PHIP: variants seen among roughly 807,000 people sequenced by gnomAD.
The protein encoded by PHIP is PH-interacting protein.
PHIP carries 54 observed loss-of-function variants against 236.8 expected under a neutral mutation model. The observed-to-expected ratio is 0.23, with a 90% CI of 0.18 to 0.29. The LOEUF is 0.29. Ranked by LOEUF, PHIP falls within the 10% of genes least tolerant of loss-of-function variation. PHIP has a pLI of 1.00. For missense variants in PHIP, 1,370 were observed against 2,190.8 expected, an observed-to-expected ratio of 0.63 and a Z score of 7.48; for synonymous variants, 756 against 718.9, an observed-to-expected ratio of 1.05 and a Z score of -0.83.
chr6:79,065,978 T>C lies in PHIP; in HGVS notation c.190-5160A>G, dbSNP rs534273573. 4.3e-3 allele frequency among the ~76,000 whole-genome samples: 654 copies of C among 152,192 alleles called. 2 individuals are homozygous for C. The highest frequency in any genetic ancestry group is 0.014 in the African/African-American group (593 of 41,528). On this transcript the variant is annotated intron_variant, in intron 4 of 39. Transcript: ENST00000275034. The stretch of plus-strand genomic sequence containing the variant: ...TAGTAAGAACCCCATATCTTTAATA[T>C]AAACTTAAGCTTTTAATTTAAATTA...
At position 78,983,159 on chromosome 6, in the gene PHIP, A is replaced by C. The variant is rs1768648211; in HGVS notation, c.2538-42T>G. The C allele has an allele frequency of 5.8e-6, 6 of 1,035,238 alleles. No homozygotes were observed. In the East Asian group the frequency reaches 1.5e-4, roughly 26 times the overall value. The allele number at this position is 1,035,238 out of a possible 1,614,324, so 64.1% of individuals were successfully genotyped here. A position where few individuals can be genotyped will look rare whatever the true frequency, so the allele number is the denominator to read the frequency against. On this transcript the variant is annotated intron_variant, in intron 22 of 39. Coordinates refer to ENST00000275034, the MANE Select transcript of PHIP (RefSeq NM_017934.7). ...GATTATTAGATAACACACAAGATAA[A>C]ATTTTAAGACTTGTTTTATAAAAAC... is the stretch of plus-strand genomic sequence containing the variant.
At chr6:79,050,557 G>A (rs1772742778) in intron 6 of PHIP, among the ~76,000 whole-genome samples, 1 of 152,150 alleles carries the variant, frequency 6.6e-6, no homozygotes, top group African/African-American at 2.4e-5. Flanking sequence ...AGCAGTTAAG[G>A]AGTGAGACTG....
intron 12 of PHIP, 142 bp downstream of exon 12, chr6:79,017,204 C>T (rs756020024): frequency 3.3e-5 from 18 of 544,468 alleles, no homozygotes; most frequent in African/African-American, 7.7e-5. Context: ...CATGTGAAGG[C>T]TATATTCACT....
intron 19 of PHIP, among the ~76,000 whole-genome samples, chr6:78,991,362 T>C (rs540880579): frequency 2.0e-5 from 3 of 151,532 alleles, no homozygotes; most frequent in Admixed American, 6.6e-5. Context: ...CTGTTCCATA[T>C]AGATAGCTGG....
At position 78,938,464 on chromosome 6, in the gene PHIP, T is replaced by C. The variant is rs904651547; in HGVS notation, c.*2229A>G. On this transcript the variant is annotated 3_prime_UTR_variant, in exon 40 of 40. Transcript: ENST00000275034. Reference sequence around the variant, plus strand: ...ATTTTTTTTACAAAAATTGATTTTATAGCCTATTATTTTTTTCTTAACACA... The same window carrying C: ...ATTTTTTTTACAAAAATTGATTTTACAGCCTATTATTTTTTTCTTAACACA... The C allele has an allele frequency of 6.6e-6, 1 of 151,730 alleles. No individual in the cohort carries two copies. 9.4% of individuals were successfully genotyped at this position (151,730 alleles called of 1,614,324 possible).
intron 7 of PHIP, among the ~76,000 whole-genome samples, chr6:79,038,698 C>T (rs1772065323): frequency 6.6e-6 from 1 of 151,920 alleles, no homozygotes; most frequent in African/African-American, 2.4e-5. Flanking sequence ...AGCCTTCTTA[C>T]ATTAGATACA....
chr6:78,984,472 C>T (rs1328153141), intron 22 of PHIP, among the ~76,000 whole-genome samples: 15 of 152,166 alleles, frequency 9.9e-5, no homozygotes, highest in Admixed American at 9.8e-4. Context: ...TAATTACAAA[C>T]TCCAGAGTCC....
intron 8 of PHIP, 26 bp from the exon 9 acceptor site, chr6:79,025,645 AT>A: frequency 1.4e-6 from 2 of 1,422,684 alleles, no homozygotes; most frequent in Non-Finnish European, 2.0e-6. Context: ...CAGAAAAAAA[AT>A]CTTTACAAGA....
intron 24 of PHIP, among the ~76,000 whole-genome samples, chr6:78,974,109 T>A (rs1321392122): frequency 6.6e-6 from 1 of 151,932 alleles, no homozygotes; most frequent in Non-Finnish European, 1.5e-5. Context: ...ATTCCAAAAT[T>A]GACCACATAC....
chr6:78,984,888 A>G (rs1346416529), intron 22 of PHIP, among the ~76,000 whole-genome samples: 2 of 152,192 alleles, frequency 1.3e-5, no homozygotes, highest in East Asian at 3.9e-4. Context: ...GCTCTGCAAC[A>G]ATGTGAATCG....
intron 7 of PHIP, among the ~76,000 whole-genome samples, chr6:79,034,672 T>C (rs555520168): frequency 1.2e-4 from 19 of 152,312 alleles, no homozygotes; most frequent in African/African-American, 4.3e-4. Flanking sequence ...TCTGACTACA[T>C]AAATGAAATA....
chr6:78,983,235 C>CA, intron 22 of PHIP, 118 bp from the exon 23 acceptor site: 1 of 482,314 alleles, frequency 2.1e-6, no homozygotes, highest in East Asian at 3.3e-5. Context: ...ACTTAAACTA[C>CA]AAAAAAACTT....
chr6:79,009,898 T>A (rs1202264213), intron 15 of PHIP, among the ~76,000 whole-genome samples: 12 of 114,604 alleles, frequency 1.0e-4, no homozygotes, highest in Non-Finnish European at 2.4e-4. Context: ...ATCTAAAGAA[T>A]CTTAAAACCT....
chr6:78,985,344 T>A lies in PHIP; in HGVS notation c.2537+8A>T, dbSNP rs370166723. ...TAACATTTGGAAAAATAAAAAGCATTCATTTACCTAGAACTGCCATCACTG... is the reference window on the plus strand; with the variant it reads ...TAACATTTGGAAAAATAAAAAGCATACATTTACCTAGAACTGCCATCACTG... On this transcript the variant is annotated splice_region_variant and intron_variant, in intron 22 of 39. Coordinates refer to ENST00000275034, the MANE Select transcript of PHIP (RefSeq NM_017934.7). 3.4e-6 allele frequency: 5 copies of A among 1,484,354 alleles called. No homozygotes were observed. In the African/African-American group the frequency reaches 6.9e-5, roughly 21 times the overall value. 91.9% of individuals were successfully genotyped at this position (1,484,354 alleles called of 1,614,324 possible).
intron 27 of PHIP, among the ~76,000 whole-genome samples, chr6:78,967,136 ATAAAAAC>A (rs1362018346): frequency 6.6e-6 from 1 of 152,222 alleles, no homozygotes; most frequent in East Asian, 1.9e-4. Context: ...TTAAAAGTTT[ATAAAAAC>A]ATATAGCATG....
intron 11 of PHIP, 33 bp downstream of exon 11, chr6:79,017,450 T>C: frequency 1.9e-6 from 3 of 1,580,252 alleles, no homozygotes; most frequent in Non-Finnish European, 2.6e-6. Context: ...TCACATAAAT[T>C]ATACTCATCT....
At chr6:78,968,610 A>G (rs67815356) in intron 27 of PHIP, among the ~76,000 whole-genome samples, 16,176 of 152,296 alleles carry the variant, frequency 0.11, 891 homozygotes, top group Middle Eastern at 0.19. Context: ...ACAACTGTGC[A>G]TAAAAAGTAT....
chr6:79,066,606 AAG>A, intron 4 of PHIP, among the ~76,000 whole-genome samples: 2 of 152,194 alleles, frequency 1.3e-5, no homozygotes, highest in Non-Finnish European at 2.9e-5. Flanking sequence ...GAGCCAGAAA[AAG>A]AGAAACATTT....
intron 20 of PHIP, among the ~76,000 whole-genome samples, chr6:78,989,480 T>G (rs1369139621): frequency 1.3e-5 from 2 of 152,046 alleles, no homozygotes; most frequent in Non-Finnish European, 2.9e-5. Flanking sequence ...GGTCTTGTCT[T>G]AGAAAAAAAC....
Sources: gnomAD v4.1 joint callset for allele counts (sites outside exome capture counted in the v4.1 genomes callset) on GRCh38, gnomAD v4.1.1 for gene constraint, MANE v1.5 for transcripts, NCBI Gene and HGNC (gene_info 2026-07-23, HGNC 2026-07-21) for gene names.